Variants in LMF1 observed in about 807,000 individuals in gnomAD.
LMF1 encodes transmembrane protein 112.
A neutral mutation model predicts 60.6 loss-of-function variants in LMF1; 68 were observed. That is an observed-to-expected ratio of 1.12 (90% CI 0.92 to 1.37). The LOEUF (loss-of-function observed/expected upper bound fraction) is 1.37, where lower values mean the gene tolerates loss of function less well. Among genes scored for constraint, LMF1 ranks in the 40% most tolerant of loss-of-function variants. The pLI is 0.00. For missense variants in LMF1, 948 were observed against 767.2 expected, an observed-to-expected ratio of 1.24 and a Z score of -2.78; for synonymous variants, 418 against 324.7, an observed-to-expected ratio of 1.29 and a Z score of -3.09.
chr16:857,200 T>C (rs899401423), intron 10 of LMF1, among the ~76,000 whole-genome samples: 3 of 152,230 alleles, frequency 2.0e-5, no homozygotes, highest in African/African-American at 7.2e-5. Flanking sequence ...GCAGTTTTTG[T>C]CTGTGACGGC....
intron 3 of LMF1, among the ~76,000 whole-genome samples, chr16:928,693 C>G (rs530089434): frequency 2.6e-5 from 4 of 151,686 alleles, no homozygotes; most frequent in Non-Finnish European, 5.9e-5. Context: ...CACGCCCCCA[C>G]GAGCCCCTCC....
At chr16:892,956 G>A (rs1308710028) in intron 5 of LMF1, 51 bp downstream of exon 5, 10 of 1,408,924 alleles carry the variant, frequency 7.1e-6, no homozygotes, top group East Asian at 2.5e-5. Context: ...GAGTGGGAAC[G>A]GGGCGGCGTG....
chr16:974,794 G>A (rs535618229), upstream of LMF1, among the ~76,000 whole-genome samples: 19 of 152,338 alleles, frequency 1.2e-4, no homozygotes, highest in South Asian at 2.1e-3. Context: ...CCGCCTCCTC[G>A]GGGCCATTGT....
chr16:918,603 A>G (rs1197443415), intron 3 of LMF1, among the ~76,000 whole-genome samples: 2 of 152,056 alleles, frequency 1.3e-5, no homozygotes, highest in African/African-American at 4.8e-5. Context: ...AGACCCCAGA[A>G]AAGTGCTGGC....
intron 2 of LMF1, among the ~76,000 whole-genome samples, chr16:948,657 C>T (rs1175434490): frequency 1.3e-5 from 2 of 150,842 alleles, no homozygotes; most frequent in African/African-American, 2.4e-5. Flanking sequence ...CAGAGTCAGC[C>T]AACGACAGAA....
At position 854,596 on chromosome 16, in the gene LMF1, A is replaced by G; in HGVS notation, c.1640T>C (p.Leu547Pro). The G allele has an allele frequency of 6.2e-7, 1 of 1,606,808 alleles. No individual in the cohort carries two copies. Residue 547 changes from leucine to proline, a missense_variant, in exon 11 of 11, where the codon CTC (leucine) becomes CCC (proline). By Grantham distance (98) the Leu-to-Pro change is moderately conservative. Coordinates refer to ENST00000262301, the MANE Select transcript of LMF1 (RefSeq NM_022773.4). ...RKRIGAYFPP[L>P]SLEELRPYFR... is the part of the protein sequence containing the mutation. ...GTAGGGCCTCAGCTCCTCCAGGCTG[A>G]GCGGAGGGAAGTAGGCTCCGATCCT... is the stretch of plus-strand genomic sequence containing the variant.
At chr16:872,568 C>T (rs570663327) in intron 6 of LMF1, 26 of 152,490 alleles carry the variant, frequency 1.7e-4, no homozygotes, top group African/African-American at 5.5e-4. Context: ...GCCACCAGCT[C>T]CCCTCCGCTG....
At chr16:956,383 G>C (rs548607080) in intron 1 of LMF1, among the ~76,000 whole-genome samples, 2 of 152,192 alleles carry the variant, frequency 1.3e-5, no homozygotes, top group Non-Finnish European at 2.9e-5. Flanking sequence ...ACATTCCCAT[G>C]TGTAAACGTG....
chr16:887,596 C>T (rs1567184812), intron 5 of LMF1, among the ~76,000 whole-genome samples: 1 of 152,192 alleles, frequency 6.6e-6, no homozygotes, highest in Non-Finnish European at 1.5e-5. Flanking sequence ...CCCACCCACG[C>T]CTGGAGGCCC....
chr16:863,217 G>A (rs941078340), intron 10 of LMF1, among the ~76,000 whole-genome samples: 2 of 152,224 alleles, frequency 1.3e-5, no homozygotes, highest in Non-Finnish European at 2.9e-5. Context: ...CCAGGCTGGA[G>A]TGCAGTGCTG....
At chr16:948,741 G>GCCAACGACAGAGTCAGAGCCA (rs71142714) in intron 2 of LMF1, among the ~76,000 whole-genome samples, 3 of 59,380 alleles carry the variant, frequency 5.1e-5, no homozygotes, top group African/African-American at 2.2e-4. Flanking sequence ...CAGAGTCAGA[G>GCCAACGACAGAGTCAGAGCCA]ACGACAGAGT....
chr16:931,912 G>T (rs977656534), intron 3 of LMF1: 5 of 776,310 alleles, frequency 6.4e-6, no homozygotes, highest in Non-Finnish European at 9.2e-6. Flanking sequence ...TGCTACCGAA[G>T]AATCAGTTAG....
chr16:854,738 G>C, intron 10 of LMF1, 32 bp from the exon 11 acceptor site: 1 of 1,552,606 alleles, frequency 6.4e-7, no homozygotes, highest in Non-Finnish European at 8.7e-7. Context: ...CCCAGGGCCT[G>C]CTGGGACTCC....
intron 3 of LMF1, among the ~76,000 whole-genome samples, chr16:917,240 C>T (rs12929770): frequency 0.028 from 4,207 of 151,024 alleles, 161 homozygotes; most frequent in African/African-American, 0.044. Context: ...ATGGTGTGGC[C>T]ACGCAGAGCA....
At chr16:854,969 G>C in intron 10 of LMF1, 1 of 558,722 alleles carries the variant, frequency 1.8e-6, no homozygotes, top group South Asian at 2.0e-5. Flanking sequence ...GACCCAGCAG[G>C]GCCCACTTGG....
At chr16:911,614 AGCACTTGGGGG>A (rs1271679429) in intron 3 of LMF1, among the ~76,000 whole-genome samples, 1 of 23,242 alleles carries the variant, frequency 4.3e-5, no homozygotes, top group East Asian at 1.4e-3. Flanking sequence ...CTGGGGGGGC[AGCACTTGGGGG>A]GGCAGCACTG....
At position 916,864 on chromosome 16, in the gene LMF1, C is replaced by T. The variant is rs574391308; in HGVS notation, c.515-5785G>A. Among the ~76,000 whole-genome samples, 9 of 152,366 alleles carry T rather than the reference C, an allele frequency of 5.9e-5. No individual in the cohort carries two copies. The South Asian group carries it at 6.2e-4, about 11-fold the overall frequency. ...CCTCTCCTGGCAACTAGCCACCTCC[C>T]GGGTGTCCCCTCGCAGATCCTCTGA... On this transcript the variant is annotated intron_variant, in intron 3 of 10. Coordinates refer to ENST00000262301, the MANE Select transcript of LMF1 (RefSeq NM_022773.4).
chr16:908,475 C>T (rs114478773), intron 4 of LMF1, among the ~76,000 whole-genome samples: 2,355 of 152,316 alleles, frequency 0.015, 55 homozygotes, highest in African/African-American at 0.053. Context: ...GTTTCCCTCC[C>T]GCTGTGCCAT....
chr16:854,481 G>A lies in LMF1; in HGVS notation c.*51C>T, dbSNP rs769116185. 2.5e-5 allele frequency: 38 copies of A among 1,546,446 alleles called. No homozygotes were observed. The highest frequency in any genetic ancestry group is 3.1e-5 in the Non-Finnish European group (35 of 1,145,152). On this transcript the variant is annotated 3_prime_UTR_variant, in exon 11 of 11. Coordinates refer to ENST00000262301, the MANE Select transcript of LMF1 (RefSeq NM_022773.4). The stretch of plus-strand genomic sequence containing the variant: ...GGGCTGGGCGCAGGGAAGGGCAAAC[G>A]TTGCTGAGCCGCCGAGGGGCTGGGT...
Sources: allele counts gnomAD v4.1 joint callset (sites outside exome capture counted in the v4.1 genomes callset), GRCh38; gene constraint gnomAD v4.1.1; transcripts MANE v1.5; gene names NCBI Gene and HGNC (gene_info 2026-07-23, HGNC 2026-07-21).